The following ZBTB38 variants were observed in gnomAD, a reference collection of about 807,000 sequenced individuals.
ZBTB38 encodes zinc finger and BTB domain containing 38.
Under a neutral mutation model 76.8 loss-of-function variants are expected in ZBTB38, and 20 were observed. The ratio of observed to expected loss-of-function variants is 0.26; its 90% confidence interval spans 0.18 to 0.38. The LOEUF is 0.38. ZBTB38 is among the 10% of genes least tolerant of loss of function. ZBTB38 has a pLI of 1.00. For synonymous variants in ZBTB38, 504 were observed against 544.2 expected (o/e 0.93, Z 1.03); for missense variants, 1,082 against 1,482.3 (o/e 0.73, Z 4.43).
intron 1 of ZBTB38, among the ~76,000 whole-genome samples, chr3:141,336,697 C>T (rs767807722): frequency 6.6e-5 from 10 of 152,180 alleles, no homozygotes; most frequent in East Asian, 3.9e-4. Flanking sequence ...TTGTGTTGTG[C>T]GGTTTCTCAC....
chr3:141,448,692 T>G lies in ZBTB38; in HGVS notation c.*2716T>G, dbSNP rs771452029. ...TTTGTTTTTGCTTGATTAAAATAGC[T>G]TATTCCTACATTAAGTCTCTTTTTA... On this transcript the variant is annotated 3_prime_UTR_variant, in exon 6 of 6. Coordinates refer to ENST00000321464, the MANE Select transcript of ZBTB38 (RefSeq NM_001376113.1). The G allele has an allele frequency of 2.0e-5, 3 of 152,250 alleles. No individual in the cohort carries two copies. The highest frequency in any genetic ancestry group is 2.4e-5 in the African/African-American group (1 of 41,476). The allele number at this position is 152,250 out of a possible 1,614,324, so 9.4% of individuals were successfully genotyped here.
intron 1 of ZBTB38, among the ~76,000 whole-genome samples, chr3:141,363,295 G>C (rs1003826610): frequency 1.3e-5 from 2 of 152,238 alleles, no homozygotes; most frequent in African/African-American, 4.8e-5. Context: ...TCAGATGACT[G>C]AATATTGCTA....
At chr3:141,431,955 G>A (rs1222581059) in intron 5 of ZBTB38, 1 of 373,380 alleles carries the variant, frequency 2.7e-6, no homozygotes, top group Non-Finnish European at 3.7e-6. Flanking sequence ...CCTAGACACA[G>A]CTCAACTCCA....
At chr3:141,400,224 GTTGA>G (rs1343634729) in intron 4 of ZBTB38, among the ~76,000 whole-genome samples, 1 of 152,138 alleles carries the variant, frequency 6.6e-6, no homozygotes, top group Non-Finnish European at 1.5e-5. Flanking sequence ...TGAAGAACGG[GTTGA>G]TTATGTAATT....
chr3:141,391,230 TAAAATGGTTG>T (rs1035136553), intron 4 of ZBTB38, among the ~76,000 whole-genome samples: 4 of 152,158 alleles, frequency 2.6e-5, no homozygotes, highest in Non-Finnish European at 4.4e-5. Flanking sequence ...AGAGCCACTT[TAAAATGGTTG>T]ATCAGAATGT....
intron 5 of ZBTB38, among the ~76,000 whole-genome samples, chr3:141,409,249 T>C (rs1212977137): frequency 6.6e-6 from 1 of 152,122 alleles, no homozygotes; most frequent in Non-Finnish European, 1.5e-5. Context: ...TTTCACCACG[T>C]TGGCCAGGCT....
intron 5 of ZBTB38, among the ~76,000 whole-genome samples, chr3:141,432,728 G>A (rs1463147129): frequency 3.3e-5 from 5 of 152,190 alleles, no homozygotes; most frequent in Non-Finnish European, 5.9e-5. Flanking sequence ...CAGTAAGATC[G>A]CCTTAACTAA....
chr3:141,418,710 A>C (rs904943527), intron 5 of ZBTB38, among the ~76,000 whole-genome samples: 3 of 152,248 alleles, frequency 2.0e-5, no homozygotes, highest in African/African-American at 7.2e-5. Flanking sequence ...AAAGCATTGA[A>C]AATGTGTTAG....
In ZBTB38 at chr3:141,371,314, G is replaced by A. The variant is rs368066419; in HGVS notation, c.-235+1368G>A. On this transcript the variant is annotated intron_variant, in intron 2 of 5. Coordinates refer to ENST00000321464, the MANE Select transcript of ZBTB38 (RefSeq NM_001376113.1). Reference sequence around the variant, plus strand: ...GATCTGCCGGCCTTGGCCTGCCAAAGTGCTGAGATTACAGACATGAGCCAT... The same window carrying A: ...GATCTGCCGGCCTTGGCCTGCCAAAATGCTGAGATTACAGACATGAGCCAT... Among the ~76,000 whole-genome samples, 15 of 151,862 alleles carry A rather than the reference G, an allele frequency of 9.9e-5. 1 individual carries two copies. In the East Asian group the frequency reaches 1.7e-3, roughly 18 times the overall value.
At chr3:141,434,932 G>A (rs2078418373) in intron 5 of ZBTB38, among the ~76,000 whole-genome samples, 1 of 151,996 alleles carries the variant, frequency 6.6e-6, no homozygotes, top group South Asian at 2.1e-4. Context: ...CAGGATTTGA[G>A]ACCAGCCTGG....
chr3:141,347,620 G>T (rs1022929397), intron 1 of ZBTB38, among the ~76,000 whole-genome samples: 2 of 152,164 alleles, frequency 1.3e-5, no homozygotes, highest in Non-Finnish European at 2.9e-5. Context: ...CCTAGGCTCC[G>T]GCTGGGCTCA....
intron 1 of ZBTB38, among the ~76,000 whole-genome samples, chr3:141,341,034 T>C (rs1470608508): frequency 2.0e-5 from 3 of 147,882 alleles, no homozygotes; most frequent in Non-Finnish European, 4.5e-5. Context: ...AGACAAGTGG[T>C]TAATAAGCGC....
intron 1 of ZBTB38, among the ~76,000 whole-genome samples, chr3:141,345,044 A>G (rs1056898186): frequency 1.3e-5 from 2 of 152,352 alleles, no homozygotes; most frequent in Non-Finnish European, 2.9e-5. Flanking sequence ...GTATTTCCAG[A>G]CACTTCTTGT....
intron 1 of ZBTB38, among the ~76,000 whole-genome samples, chr3:141,327,575 T>G (rs1255845139): frequency 6.6e-6 from 1 of 152,220 alleles, no homozygotes; most frequent in Non-Finnish European, 1.5e-5. Context: ...CAGAGGAGCC[T>G]AAGGAGACGT....
Position 141,444,451 on chromosome 3 carries a change from C to T in ZBTB38, c.2063C>T (p.Ala688Val). 6.2e-7 allele frequency: 1 copy of T among 1,614,068 alleles called. No homozygotes were observed. Among genetic ancestry groups the T allele is most frequent in the Non-Finnish European group, 8.5e-7 (1 of 1,180,036 alleles). The change falls in exon 6 of 6, where the codon GCA becomes GTA. Residue 688 changes from alanine (A) to valine (V), a missense_variant. Ala to Val is a moderately conservative substitution (Grantham distance 64). Transcript: ENST00000321464. This position sits in a 1 kb window ranked among gnomAD's most constrained non-coding sequence, Gnocchi z 5.1. ...TENAVSSDLR[A>V]GDVPVLSLSN... ...AATGCTGTCAGTTCTGACCTCCGGG[C>T]AGGGGATGTACCTGTTTTATCTTTG... is the stretch of plus-strand genomic sequence containing the variant.
rs2080423611 is a variant in ZBTB38 at position 141,442,151 on chromosome 3, A to G, written c.1-238A>G. Reference sequence around the variant, plus strand: ...TCCAACTTTGGAGAAAAGGGGAAGGAGTTCTGGGAGGATTTCCAATGATAA... The same window carrying G: ...TCCAACTTTGGAGAAAAGGGGAAGGGGTTCTGGGAGGATTTCCAATGATAA... On this transcript the variant is annotated intron_variant, in intron 5 of 5. Coordinates refer to ENST00000321464, the MANE Select transcript of ZBTB38 (RefSeq NM_001376113.1). This position sits in a 1 kb window ranked among gnomAD's most constrained non-coding sequence, Gnocchi z 6.4. 6.6e-6 allele frequency among the ~76,000 whole-genome samples: 1 copy of G among 152,004 alleles called. No individual in the cohort carries two copies. The highest frequency in any genetic ancestry group is 1.5e-5 in the Non-Finnish European group (1 of 67,996).
At chr3:141,437,290 A>G (rs1004371773) in intron 5 of ZBTB38, among the ~76,000 whole-genome samples, 3 of 152,070 alleles carry the variant, frequency 2.0e-5, no homozygotes, top group Non-Finnish European at 4.4e-5. Context: ...CCTCTTGTCC[A>G]TATCTGCAGC....
At chr3:141,366,248 T>C (rs189214793), upstream of ZBTB38, 22 of 152,372 alleles carry the variant, frequency 1.4e-4, no homozygotes, top group African/African-American at 5.3e-4. Flanking sequence ...CCTGATAGGA[T>C]GCAGGGTGAA....
intron 1 of ZBTB38, among the ~76,000 whole-genome samples, chr3:141,325,213 C>T (rs898426686): frequency 7.3e-5 from 11 of 150,370 alleles, no homozygotes; most frequent in Admixed American, 5.9e-4. Context: ...TCTAACCTTC[C>T]TGCCATTTAG....
Sources: gnomAD v4.1 joint callset for allele counts (sites outside exome capture counted in the v4.1 genomes callset) on GRCh38, gnomAD v4.1.1 for gene constraint, Gnocchi (gnomAD v3.1) non-coding constraint, MANE v1.5 for transcripts, NCBI Gene and HGNC (gene_info 2026-07-23, HGNC 2026-07-21) for gene names.